The following ZNF469 variants were observed in gnomAD, a reference collection of about 807,000 sequenced individuals.
ZNF469 encodes the protein zinc finger protein 469.
Under a neutral mutation model 1.0 loss-of-function variants are expected in ZNF469, and 1 was observed. The ratio of observed to expected loss-of-function variants is 1.00; its 90% CI spans 0.35 to 4.73. ZNF469 has a LOEUF of 4.73. ZNF469 is among the 30% of genes most tolerant of loss of function. The pLI is 0.16. For synonymous variants in ZNF469, 2,703 were observed against 2,363.4 expected, an observed-to-expected ratio of 1.14 and a Z score of -4.17; for missense variants, 6,100 against 5,356.3, an observed-to-expected ratio of 1.14 and a Z score of -4.33.
the ZNF469 span, among the ~76,000 whole-genome samples, chr16:88,197,561 A>C: frequency 2.6e-5 from 4 of 152,216 alleles, no homozygotes; most frequent in Non-Finnish European, 5.9e-5. Context: ...CCATTGTATT[A>C]GTCATCCACT....
the ZNF469 span, among the ~76,000 whole-genome samples, chr16:88,296,994 G>A: frequency 5.9e-5 from 9 of 152,222 alleles, no homozygotes; most frequent in Non-Finnish European, 7.3e-5. Context: ...TGAGCAATGC[G>A]TTCAAACTGT....
intron 1 of ZNF469, among the ~76,000 whole-genome samples, chr16:88,404,369 G>A (rs1005358059): frequency 6.6e-6 from 1 of 152,236 alleles, no homozygotes; most frequent in South Asian, 2.1e-4. Context: ...CCTGGGCGGC[G>A]CCGGCGGTGC....
the ZNF469 span, among the ~76,000 whole-genome samples, chr16:88,173,846 C>G: frequency 6.6e-6 from 1 of 151,462 alleles, no homozygotes; most frequent in Non-Finnish European, 1.5e-5. Flanking sequence ...TAAGGGATAG[C>G]TAATAATTCA....
chr16:88,298,439 A>C, the ZNF469 span, among the ~76,000 whole-genome samples: 1 of 152,194 alleles, frequency 6.6e-6, no homozygotes, highest in Non-Finnish European at 1.5e-5. Context: ...AAGCCTGTTC[A>C]ATCTGGGGCA....
At chr16:88,275,727 C>T in the ZNF469 span, among the ~76,000 whole-genome samples, 39 of 152,346 alleles carry the variant, frequency 2.6e-4, no homozygotes, top group African/African-American at 9.4e-4. Flanking sequence ...CCTCCTTCCC[C>T]CAAACCCCAA....
intron 1 of ZNF469, among the ~76,000 whole-genome samples, chr16:88,394,126 G>A (rs1254157994): frequency 6.6e-6 from 1 of 151,606 alleles, no homozygotes; most frequent in East Asian, 1.9e-4. Context: ...GAGGAGCGGG[G>A]TTTGACACGC....
chr16:88,403,458 C>G (rs894417972), intron 1 of ZNF469, among the ~76,000 whole-genome samples: 1 of 151,968 alleles, frequency 6.6e-6, no homozygotes, highest in South Asian at 2.1e-4. Context: ...CACCACAGAG[C>G]TCACACCGCC....
At chr16:88,244,062 T>G in the ZNF469 span, among the ~76,000 whole-genome samples, 43 of 143,766 alleles carry the variant, frequency 3.0e-4, no homozygotes, top group African/African-American at 1.1e-3. Context: ...GATGAGTGCA[T>G]GGATGGATGA....
At chr16:88,322,345 A>ATGGGAGGCGGCTGCGAGGC in the ZNF469 span, among the ~76,000 whole-genome samples, 3 of 152,158 alleles carry the variant, frequency 2.0e-5, no homozygotes, top group South Asian at 4.1e-4. Flanking sequence ...GACCCATCAC[A>ATGGGAGGCGGCTGCGAGGC]TGGGAGGCGG....
chr16:88,336,514 C>T, the ZNF469 span, among the ~76,000 whole-genome samples: 2,005 of 149,820 alleles, frequency 0.013, 35 homozygotes, highest in African/African-American at 0.046. Context: ...GCCAATACCG[C>T]GCATGTTCAT....
chr16:88,236,046 G>A, the ZNF469 span, among the ~76,000 whole-genome samples: 2 of 152,238 alleles, frequency 1.3e-5, no homozygotes, highest in African/African-American at 4.8e-5. Context: ...AGAAAGGAGT[G>A]TCTGGATTAA....
At chr16:88,154,397 C>G in the ZNF469 span, among the ~76,000 whole-genome samples, 1 of 152,220 alleles carries the variant, frequency 6.6e-6, no homozygotes, top group African/African-American at 2.4e-5. Context: ...AACTCCTGAC[C>G]TCAAGAGATC....
At chr16:88,116,459 A>C in the ZNF469 span, among the ~76,000 whole-genome samples, 1 of 152,206 alleles carries the variant, frequency 6.6e-6, no homozygotes, top group Non-Finnish European at 1.5e-5. Flanking sequence ...TTTCACCCAA[A>C]AGTAAACACC....
In ZNF469 at chr16:88,429,463, C is replaced by A. The variant is rs1905968756; in HGVS notation, c.1993C>A (p.Pro665Thr). The A allele has an allele frequency of 3.2e-6, 5 of 1,549,026 alleles. No individual in the cohort carries two copies. Among genetic ancestry groups the A allele is most frequent in the Non-Finnish European group, 4.4e-6 (5 of 1,146,454 alleles). Residue 665 changes from proline (P) to threonine (T), a missense_variant, in exon 3 of 3, where the codon CCA becomes ACA. By Grantham distance (38) the Pro-to-Thr change is conservative. Transcript: ENST00000565624. Reference protein sequence around the residue: ...HSLPTHYQPEPAKAFPFPADG... With the variant: ...HSLPTHYQPETAKAFPFPADG... ...CCTCCCCACCCACTACCAGCCAGAGCCAGCCAAGGCCTTCCCTTTTCCCGC... is the reference window on the plus strand; with the variant it reads ...CCTCCCCACCCACTACCAGCCAGAGACAGCCAAGGCCTTCCCTTTTCCCGC...
the ZNF469 span, among the ~76,000 whole-genome samples, chr16:88,183,776 A>G: frequency 6.6e-6 from 1 of 152,158 alleles, no homozygotes; most frequent in Non-Finnish European, 1.5e-5. Context: ...TTGTAAAAGC[A>G]GCATGTGAAG....
the ZNF469 span, among the ~76,000 whole-genome samples, chr16:88,221,441 G>A: frequency 1.3e-5 from 2 of 152,320 alleles, no homozygotes; most frequent in Admixed American, 6.5e-5. Context: ...GCAGCTCCCC[G>A]AGGAGGTTGT....
chr16:88,413,207 C>A (rs534948689), intron 1 of ZNF469, among the ~76,000 whole-genome samples: 1 of 152,376 alleles, frequency 6.6e-6, no homozygotes, highest in East Asian at 1.9e-4. Context: ...GCTGCCATCC[C>A]GTGTGCACGA....
chr16:88,429,366 G>C lies in ZNF469; in HGVS notation c.1896G>C (p.Ser632=). ...AGCTCCCCGGCCCCCTCGGGCCCTC[G>C]GCCTTCTTCCACCCACCCACTCACC... ...ESQLPGPLGP[S]AFFHPPTHPQ... The change falls in exon 3 of 3, where the codon TCG becomes TCC. Residue 632 remains serine (S), a synonymous_variant. Coordinates refer to ENST00000565624, the MANE Select transcript of ZNF469 (RefSeq NM_001367624.2). 6.5e-7 allele frequency: 1 copy of C among 1,549,742 alleles called. No individual in the cohort carries two copies. Among genetic ancestry groups the C allele is most frequent in the Non-Finnish European group, 8.7e-7 (1 of 1,146,758 alleles).
At chr16:88,294,956 G>A in the ZNF469 span, 1 of 167,130 alleles carries the variant, frequency 6.0e-6, no homozygotes. Context: ...CTCAGGACGT[G>A]GCAGGGCTCA....
Sources: allele counts gnomAD v4.1 joint callset (sites outside exome capture counted in the v4.1 genomes callset), GRCh38; gene constraint gnomAD v4.1.1; transcripts MANE v1.5; gene names NCBI Gene and HGNC (gene_info 2026-07-23, HGNC 2026-07-21).